COL15A1: variants seen among roughly 807,000 people sequenced by gnomAD.
COL15A1 encodes collagen type XV alpha 1 chain.
COL15A1 carries 111 observed loss-of-function variants against 165.9 expected under a neutral mutation model. The observed-to-expected ratio is 0.67, with a 90% CI of 0.57 to 0.78. The LOEUF is 0.78. Ranked by LOEUF, COL15A1 falls within the 30% of genes least tolerant of loss-of-function variation. The pLI, the probability that COL15A1 is intolerant of heterozygous loss-of-function variation, is 0.00. For synonymous variants in COL15A1, 659 were observed against 674.8 expected (o/e 0.98, Z 0.36); for missense variants, 1,745 against 1,789.7 (o/e 0.98, Z 0.45).
chr9:99,030,306 A>C (rs1166794569), intron 16 of COL15A1, among the ~76,000 whole-genome samples: 1 of 152,224 alleles, frequency 6.6e-6, no homozygotes, highest in Non-Finnish European at 1.5e-5. Context: ...TGGAATTCCA[A>C]GATTGCATGC....
chr9:99,065,754 AGG>A (rs1825881839), intron 39 of COL15A1, among the ~76,000 whole-genome samples: 1 of 150,648 alleles, frequency 6.6e-6, no homozygotes, highest in Non-Finnish European at 1.5e-5. Flanking sequence ...TGTCCTCTGC[AGG>A]AAGGAAAGGG....
intron 12 of COL15A1, among the ~76,000 whole-genome samples, chr9:99,020,693 T>A (rs901115423): frequency 6.6e-6 from 1 of 152,236 alleles, no homozygotes; most frequent in African/African-American, 2.4e-5. Flanking sequence ...TTGGCTTCTC[T>A]GTCGAGTATC....
At chr9:99,007,574 C>A (rs1198399393) in intron 9 of COL15A1, among the ~76,000 whole-genome samples, 1 of 151,946 alleles carries the variant, frequency 6.6e-6, no homozygotes, top group East Asian at 1.9e-4. Flanking sequence ...GTCTCATGCC[C>A]TACAAGAGAA....
intron 2 of COL15A1, among the ~76,000 whole-genome samples, chr9:98,980,680 G>C (rs924407266): frequency 1.2e-4 from 18 of 152,228 alleles, no homozygotes; most frequent in African/African-American, 4.3e-4. Context: ...GATAGCAACA[G>C]GATCAGATGT....
At position 98,979,647 on chromosome 9, in the gene COL15A1, T is replaced by TTTATTATTA. The variant is rs55884863; in HGVS notation, c.101-5906_101-5898dup. 6.1e-3 allele frequency among the ~76,000 whole-genome samples: 919 copies of TTTATTATTA among 149,982 alleles called. 8 individuals carry two copies. The highest frequency in any genetic ancestry group is 0.01 in the Non-Finnish European group (683 of 67,646). ...TTTCTTTGACATTGCAGGGATTATC[T>TTTATTATTA]TTATTATTATTATTATTATTTATTA... On this transcript the variant is annotated intron_variant, in intron 2 of 41. Coordinates refer to ENST00000375001, the MANE Select transcript of COL15A1 (RefSeq NM_001855.5).
intron 3 of COL15A1, among the ~76,000 whole-genome samples, chr9:98,986,822 G>A (rs1838322547): frequency 6.6e-6 from 1 of 152,204 alleles, no homozygotes; most frequent in South Asian, 2.1e-4. Context: ...ATTTTTAAAT[G>A]CTCACTTTAG....
Position 99,038,696 on chromosome 9 carries a change from T to A in COL15A1, c.2438T>A (p.Met813Lys). ...TTGATCAATATCACCCATGGATTCA[T>A]GAATTTCTCGGACATTCCTGAGCTG... ...NSLINITHGFMNFSDIPELVG... is the reference protein window; with the variant it reads ...NSLINITHGFKNFSDIPELVG... Residue 813 changes from methionine to lysine, a missense_variant, in exon 22 of 42, where the codon ATG (methionine) becomes AAG (lysine). By Grantham distance (95) the Met-to-Lys change is moderately conservative. Transcript: ENST00000375001. 3 of 1,611,058 alleles carry A rather than the reference T, an allele frequency of 1.9e-6. No homozygotes were observed. The highest frequency in any genetic ancestry group is 2.5e-6 in the Non-Finnish European group (3 of 1,177,142).
At chr9:98,950,674 G>A (rs540036847) in intron 2 of COL15A1, among the ~76,000 whole-genome samples, 89 of 148,778 alleles carry the variant, frequency 6.0e-4, no homozygotes, top group African/African-American at 2.0e-3. Context: ...GTTGGTGGCC[G>A]GCCCATCTTG....
intron 2 of COL15A1, among the ~76,000 whole-genome samples, chr9:98,981,422 A>G (rs1564025793): frequency 6.6e-6 from 1 of 152,140 alleles, no homozygotes; most frequent in Non-Finnish European, 1.5e-5. Context: ...GTGCCACTGC[A>G]CTCCAGCCTG....
chr9:98,979,725 A>G (rs559211517), intron 2 of COL15A1, among the ~76,000 whole-genome samples: 4 of 152,072 alleles, frequency 2.6e-5, no homozygotes, highest in Non-Finnish European at 4.4e-5. Context: ...AAATTTACCA[A>G]TCTTTTAACT....
intron 2 of COL15A1, among the ~76,000 whole-genome samples, chr9:98,985,266 A>C (rs1338081659): frequency 6.6e-6 from 1 of 152,248 alleles, no homozygotes; most frequent in African/African-American, 2.4e-5. Flanking sequence ...GAAGCAGAAA[A>C]AGAATAATTA....
At chr9:98,956,887 G>A (rs1048591232) in intron 2 of COL15A1, among the ~76,000 whole-genome samples, 3 of 152,170 alleles carry the variant, frequency 2.0e-5, no homozygotes, top group Non-Finnish European at 2.9e-5. Flanking sequence ...TCGGTGATTC[G>A]TGTGCACTTT....
intron 5 of COL15A1, among the ~76,000 whole-genome samples, chr9:98,994,488 C>T (rs144272300): frequency 3.3e-5 from 5 of 152,280 alleles, no homozygotes; most frequent in Non-Finnish European, 7.4e-5. Flanking sequence ...TTTAGCTAAG[C>T]CCCCTCCTCG....
chr9:99,047,088 G>A (rs1839504185), intron 26 of COL15A1, among the ~76,000 whole-genome samples: 2 of 152,198 alleles, frequency 1.3e-5, no homozygotes, highest in South Asian at 4.1e-4. Context: ...GGTAGAATTT[G>A]TTCTAGGAAG....
Position 99,070,028 on chromosome 9 carries a change from C to A in COL15A1, c.*142C>A, listed in dbSNP as rs1413269463. On this transcript the variant is annotated 3_prime_UTR_variant, in exon 42 of 42. Coordinates refer to ENST00000375001, the MANE Select transcript of COL15A1 (RefSeq NM_001855.5). ...TCTTTACAACAGCAACCAAAGAAAA[C>A]ATACCTCAATACACTCAAAACTGAA... 1.3e-5 allele frequency: 9 copies of A among 670,714 alleles called. No individual in the cohort carries two copies. Among genetic ancestry groups the A allele is most frequent in the Non-Finnish European group, 2.0e-5 (8 of 408,558 alleles). The allele number at this position is 670,714 out of a possible 1,614,324, so 41.5% of individuals were successfully genotyped here. A position where few individuals can be genotyped will look rare whatever the true frequency, so the allele number is the denominator to read the frequency against.
chr9:99,053,796 C>T (rs141237812), intron 31 of COL15A1, among the ~76,000 whole-genome samples: 26 of 151,838 alleles, frequency 1.7e-4, no homozygotes, highest in African/African-American at 5.3e-4. Flanking sequence ...AAGCCTGAGT[C>T]GCTAGCCTCA....
chr9:98,977,252 C>T (rs181317078), intron 2 of COL15A1, among the ~76,000 whole-genome samples: 23 of 152,344 alleles, frequency 1.5e-4, no homozygotes, highest in Non-Finnish European at 2.6e-4. Flanking sequence ...GCATGCTCCA[C>T]GCCAGTCCCC....
At chr9:98,992,446 G>A (rs559930645) in intron 5 of COL15A1, among the ~76,000 whole-genome samples, 29 of 152,298 alleles carry the variant, frequency 1.9e-4, no homozygotes, top group Admixed American at 5.2e-4. Context: ...TCACTGGCCC[G>A]CAAGCGCTGC....
At chr9:98,995,757 CT>C (rs1218953614) in intron 5 of COL15A1, among the ~76,000 whole-genome samples, 14 of 152,216 alleles carry the variant, frequency 9.2e-5, no homozygotes, top group African/African-American at 3.4e-4. Context: ...GGTGATTTCT[CT>C]TTTTGCTCAT....
Sources: allele counts gnomAD v4.1 joint callset (sites outside exome capture counted in the v4.1 genomes callset), GRCh38; gene constraint gnomAD v4.1.1; transcripts MANE v1.5; gene names NCBI Gene and HGNC (gene_info 2026-07-23, HGNC 2026-07-21).